F5: variants seen among roughly 807,000 people sequenced by gnomAD.
The protein encoded by F5 is activated protein c cofactor.
Under a neutral mutation model 216.4 loss-of-function variants are expected in F5, and 138 were observed. The ratio of observed to expected loss-of-function variants is 0.64; its 90% CI spans 0.56 to 0.73. The LOEUF is 0.73. Among genes scored for constraint, F5 ranks in the 30% least tolerant of loss-of-function variants. The pLI, the probability that F5 is intolerant of heterozygous loss-of-function variation, is 0.00. For missense variants in F5, 2,403 were observed against 2,674.0 expected (o/e 0.90, Z 2.24); for synonymous variants, 916 against 930.7 (o/e 0.98, Z 0.29).
chr1:169,568,086 T>A (rs184342807), intron 3 of F5, among the ~76,000 whole-genome samples: 152 of 152,260 alleles, frequency 1.0e-3, no homozygotes, highest in African/African-American at 3.5e-3. Flanking sequence ...GTACATGATA[T>A]TTTGAGATAG....
In F5 at chr1:169,523,862, G is replaced by A. The variant is rs577827052; in HGVS notation, c.5831C>T (p.Ser1944Phe). ...TTTTTCTACACTCCAAGCATTATAAGATCCACCATTGTTTAATCTTGCTAA... is the reference window on the plus strand; with the variant it reads ...TTTTTCTACACTCCAAGCATTATAAAATCCACCATTGTTTAATCTTGCTAA... ...PRLARLNNGG[S>F]YNAWSVEKLA... is the part of the protein sequence containing the mutation. Residue 1944 changes from serine to phenylalanine, a missense_variant, in exon 20 of 25, where the codon TCT becomes TTT. Coordinates refer to ENST00000367797, the MANE Select transcript of F5 (RefSeq NM_000130.5). The A allele has an allele frequency of 3.7e-6, 6 of 1,613,846 alleles. No homozygotes were observed. Among genetic ancestry groups the A allele is most frequent in the Non-Finnish European group, 5.1e-6 (6 of 1,179,902 alleles).
Position 169,535,535 on chromosome 1 carries a change from C to T in F5, c.4971+971G>A, listed in dbSNP as rs546176381. Among the ~76,000 whole-genome samples, 6 of 152,238 alleles carry T rather than the reference C, an allele frequency of 3.9e-5. No homozygotes were observed. In the East Asian group the frequency reaches 1.2e-3, roughly 29 times the overall value. On this transcript the variant is annotated intron_variant, in intron 14 of 24. Coordinates refer to ENST00000367797, the MANE Select transcript of F5 (RefSeq NM_000130.5). ...AATAGGTAGCTTTTCATCCATCCCC[C>T]GTTCCCTTTTGAGTCTCCAATGTCC...
chr1:169,560,486 G>C lies in F5; in HGVS notation c.586+68C>G. The C allele has an allele frequency of 3.4e-6, 5 of 1,491,114 alleles. No individual in the cohort carries two copies. The South Asian group carries it at 4.5e-5, about 14-fold the overall frequency. 92.4% of individuals were successfully genotyped at this position (1,491,114 alleles called of 1,614,324 possible). On this transcript the variant is annotated intron_variant, in intron 4 of 24. Coordinates refer to ENST00000367797, the MANE Select transcript of F5 (RefSeq NM_000130.5). Reference sequence around the variant, plus strand: ...AGTTACCAAGATGCTCCCAAGCTTTGTCCCATGACAGAACTCCTGACCATT... The same window carrying C: ...AGTTACCAAGATGCTCCCAAGCTTTCTCCCATGACAGAACTCCTGACCATT...
rs746160841 is a variant in F5, at chr1:169,543,023, A to G, written c.2067T>C (p.Asp689=). The G allele has an allele frequency of 2.6e-5, 42 of 1,613,908 alleles. No homozygotes were observed. Among genetic ancestry groups the G allele is most frequent in the Non-Finnish European group, 3.6e-5 (42 of 1,179,950 alleles). ...FRDVKCIPDD[D]EDSYEIFEPP... The stretch of plus-strand genomic sequence containing the variant: ...GTTCAAAAATCTCATATGAGTCTTC[A>G]TCATCATCTGGGATACATTTAACAT... Residue 689 remains aspartate, a synonymous_variant, in exon 13 of 25, where the codon GAT becomes GAC. Coordinates refer to ENST00000367797, the MANE Select transcript of F5 (RefSeq NM_000130.5).
chr1:169,527,993 C>T lies in F5; in HGVS notation c.5521G>A (p.Val1841Met), dbSNP rs142537705. ...LNIGGSQDIH[V>M]VHFHGQTLLE... ...AAGGTCTGGCCGTGAAAGTGAACCACGTGAATGTCTTGGGAGCCGCCTATG... is the reference window on the plus strand; with the variant it reads ...AAGGTCTGGCCGTGAAAGTGAACCATGTGAATGTCTTGGGAGCCGCCTATG... The change falls in exon 17 of 25, where the codon GTG becomes ATG. Residue 1841 changes from valine (V) to methionine (M), a missense_variant. This residue lies in a region of F5 where 659 missense variants were observed against 787.9 expected (regional missense o/e 0.84). Coordinates refer to ENST00000367797, the MANE Select transcript of F5 (RefSeq NM_000130.5). 5.6e-6 allele frequency: 9 copies of T among 1,613,790 alleles called. No individual in the cohort carries two copies. Among genetic ancestry groups the T allele is most frequent in the East Asian group, 2.2e-5 (1 of 44,888 alleles).
At chr1:169,581,723 T>C (rs1449079106) in intron 2 of F5, among the ~76,000 whole-genome samples, 1 of 152,182 alleles carries the variant, frequency 6.6e-6, no homozygotes, top group Non-Finnish European at 1.5e-5. Flanking sequence ...TATGGTATCA[T>C]AGTTAAGATA....
intron 3 of F5, among the ~76,000 whole-genome samples, chr1:169,561,282 A>G (rs550602144): frequency 4.2e-5 from 4 of 94,146 alleles, no homozygotes; most frequent in Non-Finnish European, 7.7e-5. Context: ...GATTATCTCA[A>G]TTTTTTCCCC....
At chr1:169,543,571 G>C (rs1243925047) in intron 12 of F5, among the ~76,000 whole-genome samples, 1 of 152,110 alleles carries the variant, frequency 6.6e-6, no homozygotes, top group Non-Finnish European at 1.5e-5. Context: ...TAAAGGGATG[G>C]TGATGAGCTC....
At chr1:169,516,089 T>C (rs917183158) in intron 23 of F5, among the ~76,000 whole-genome samples, 10 of 152,198 alleles carry the variant, frequency 6.6e-5, no homozygotes, top group Middle Eastern at 3.2e-3. Flanking sequence ...GGGAAATAAT[T>C]GGATAGCATT....
rs919810590 is a variant in F5 at position 169,586,284 on chromosome 1, A to G, written c.103T>C (p.Tyr35His). 4 of 1,614,134 alleles carry G rather than the reference A, an allele frequency of 2.5e-6. No homozygotes were observed. The highest frequency in any genetic ancestry group is 2.5e-6 in the Non-Finnish European group (3 of 1,180,018). ...GTEAAQLRQF[Y>H]VAAQGISWSY... ...CAACTGATGCCCTGAGCAGCCACGT[A>G]GAACTGCCTTAGCTGTGCCGCTTCT... The change falls in exon 1 of 25, where the codon TAC (tyrosine) becomes CAC (histidine). Residue 35 changes from tyrosine (Y) to histidine (H), a missense_variant. By Grantham distance (83) the Tyr-to-His change is moderately conservative. This residue lies in a region of F5 where 1,425 missense variants were observed against 1,554.8 expected (regional missense o/e 0.92). Coordinates refer to ENST00000367797, the MANE Select transcript of F5 (RefSeq NM_000130.5).
intron 8 of F5, among the ~76,000 whole-genome samples, chr1:169,550,991 G>A (rs1056701261): frequency 1.3e-5 from 2 of 152,162 alleles, no homozygotes; most frequent in Non-Finnish European, 2.9e-5. Flanking sequence ...GATAGGTTAG[G>A]AGAAGTGACG....
chr1:169,541,701 A>T lies in F5; in HGVS notation c.3389T>A (p.Phe1130Tyr). ...CATTTGATCAGGGTCTTGAATGGGG[A>T]ATGTTTGATAGTGTTCCTCTGGGGG... is the stretch of plus-strand genomic sequence containing the variant. ...TVPPEEHYQT[F>Y]PIQDPDQMHS... The change falls in exon 13 of 25, where the codon TTC (phenylalanine) becomes TAC (tyrosine). Residue 1130 changes from phenylalanine to tyrosine, a missense_variant. Phe to Tyr is a conservative substitution (Grantham distance 22). Coordinates refer to ENST00000367797, the MANE Select transcript of F5 (RefSeq NM_000130.5). 6.2e-7 allele frequency: 1 copy of T among 1,613,876 alleles called. No individual in the cohort carries two copies.
chr1:169,541,651 T>C lies in F5; in HGVS notation c.3439A>G (p.Arg1147Gly). Reference sequence around the variant, plus strand: ...TCACTGAGCTCTGGAGAAGAGGATCTGTGACTGGGGTCTGAAGTAGAGTGC... The same window carrying C: ...TCACTGAGCTCTGGAGAAGAGGATCCGTGACTGGGGTCTGAAGTAGAGTGC... Reference protein sequence around the residue: ...QMHSTSDPSHRSSSPELSEML... With the variant: ...QMHSTSDPSHGSSSPELSEML... Residue 1147 changes from arginine (R) to glycine (G), a missense_variant, in exon 13 of 25, where the codon AGA (arginine) becomes GGA (glycine). Physicochemically the swap from Arg to Gly is moderately radical, Grantham distance 125. This residue lies in a region of F5 where 1,425 missense variants were observed against 1,554.8 expected (regional missense o/e 0.92). Transcript: ENST00000367797. The C allele has an allele frequency of 6.2e-7, 1 of 1,614,154 alleles. No homozygotes were observed. The highest frequency in any genetic ancestry group is 8.5e-7 in the Non-Finnish European group (1 of 1,179,996).
At position 169,541,277 on chromosome 1, in the gene F5, G is replaced by A. The variant is rs377599416; in HGVS notation, c.3813C>T (p.Leu1271=). Residue 1271 remains leucine, a synonymous_variant, in exon 13 of 25, where the codon CTC becomes CTT. Transcript: ENST00000367797. Reference sequence around the variant, plus strand: ...GGTCTGGAGAAAGGGGCATCTGACCGAGGGCTGGAGAAAGGTTTGTCTGAC... The same window carrying A: ...GGTCTGGAGAAAGGGGCATCTGACCAAGGGCTGGAGAAAGGTTTGTCTGAC... ...ELSQTNLSPA[L]GQMPLSPDLS... is the part of the protein sequence containing the mutation. The A allele has an allele frequency of 5.2e-6, 8 of 1,551,434 alleles. No homozygotes were observed. Among genetic ancestry groups the A allele is most frequent in the East Asian group, 5.0e-5 (2 of 40,350 alleles).
At chr1:169,533,645 T>C (rs1659639025) in intron 14 of F5, among the ~76,000 whole-genome samples, 1 of 151,822 alleles carries the variant, frequency 6.6e-6, no homozygotes, top group Non-Finnish European at 1.5e-5. Flanking sequence ...GTGAAAAAAA[T>C]GCTCAACATC....
chr1:169,538,588 A>G (rs1380893100), intron 13 of F5, among the ~76,000 whole-genome samples: 1 of 152,216 alleles, frequency 6.6e-6, no homozygotes, highest in Non-Finnish European at 1.5e-5. Flanking sequence ...GTATAAAACA[A>G]CAACAACAAA....
At chr1:169,520,020 TG>T (rs1189483879) in intron 22 of F5, among the ~76,000 whole-genome samples, 1 of 152,158 alleles carries the variant, frequency 6.6e-6, no homozygotes, top group Non-Finnish European at 1.5e-5. Context: ...AGAAAAGACT[TG>T]AGTACCTACA....
intron 5 of F5, among the ~76,000 whole-genome samples, chr1:169,557,589 T>C (rs1660362061): frequency 6.6e-6 from 1 of 152,114 alleles, no homozygotes; most frequent in Non-Finnish European, 1.5e-5. Flanking sequence ...TTAGTTTTGC[T>C]CCTTCTTTGC....
rs1456279498 is a variant in F5, at chr1:169,542,432, T to C, written c.2658A>G (p.Leu886=). The C allele has an allele frequency of 1.9e-6, 3 of 1,614,038 alleles. No homozygotes were observed. Among genetic ancestry groups the C allele is most frequent in the East Asian group, 4.5e-5 (2 of 44,896 alleles). ...AKHRFSWMKL[L]AHKVGRHLSQ... Reference sequence around the variant, plus strand: ...TTAGGTGTCTCCCAACTTTATGTGCTAGTAATTTCATCCAGGAGAACCTGT... The same window carrying C: ...TTAGGTGTCTCCCAACTTTATGTGCCAGTAATTTCATCCAGGAGAACCTGT... Residue 886 remains leucine (L), a synonymous_variant, in exon 13 of 25, where the codon CTA becomes CTG. Transcript: ENST00000367797.
Sources: gnomAD v4.1 joint callset for allele counts (sites outside exome capture counted in the v4.1 genomes callset) on GRCh38, gnomAD v4.1.1 for gene constraint, gnomAD v4.1.1 regional missense constraint, MANE v1.5 for transcripts, NCBI Gene and HGNC (gene_info 2026-07-23, HGNC 2026-07-21) for gene names.